The following SIRPB2 variants were observed in gnomAD, a reference collection of about 807,000 sequenced individuals.
SIRPB2 encodes the protein signal regulatory protein beta 2, also known as signal-regulatory protein beta-2.
Under a neutral mutation model 27.1 loss-of-function variants are expected in SIRPB2, and 18 were observed. The observed-to-expected ratio is 0.66, with a 90% CI of 0.46 to 0.98. The LOEUF is 0.98. Among genes scored for constraint, SIRPB2 ranks in the 50% least tolerant of loss-of-function variants. The pLI is 0.00. For missense variants in SIRPB2, 420 were observed against 417.4 expected, an observed-to-expected ratio of 1.01 and a Z score of -0.06; for synonymous variants, 150 against 164.6, an observed-to-expected ratio of 0.91 and a Z score of 0.68.
intron 1 of SIRPB2, among the ~76,000 whole-genome samples, chr20:1,486,926 C>A (rs1293522512): frequency 6.6e-6 from 1 of 152,072 alleles, no homozygotes; most frequent in Non-Finnish European, 1.5e-5. Context: ...AGGAACTAGA[C>A]AAAGATGCCT....
Position 1,476,102 on chromosome 20 carries a change from G to C in SIRPB2, c.*65C>G. ...CACCTAGAGGCTGGGACTGGAGGTA[G>C]GGAAATGGTTGAGGAGCCCTGGCTC... On this transcript the variant is annotated 3_prime_UTR_variant, in exon 5 of 5. Coordinates refer to ENST00000359801, the MANE Select transcript of SIRPB2 (RefSeq NM_001122962.2). 6.4e-7 allele frequency: 1 copy of C among 1,572,536 alleles called. No homozygotes were observed. The highest frequency in any genetic ancestry group is 1.4e-5 in the African/African-American group (1 of 72,662).
rs1221158166 is a variant in SIRPB2 at position 1,475,516 on chromosome 20, C to T, written c.*651G>A. 6.6e-6 allele frequency: 1 copy of T among 152,178 alleles called. No homozygotes were observed. Among genetic ancestry groups the T allele is most frequent in the Admixed American group, 6.5e-5 (1 of 15,278 alleles). The allele number at this position is 152,178 out of a possible 1,614,324, so 9.4% of individuals were successfully genotyped here. On this transcript the variant is annotated 3_prime_UTR_variant, in exon 5 of 5. Transcript: ENST00000359801. ...CTGCCCTCTTTTCCAGTCTGGCTGC[C>T]TAGAAGGTGGACCTGGTAGCAATGA...
rs530535241 is a variant in SIRPB2, at chr20:1,478,518, T to C, written c.541A>G (p.Thr181Ala). ...CCAGGGGGACCGTCTCCAAGCACTG[T>C]GCAGTTCAGAAAGACAGTGTCTCCA... ...TTGDTVFLNC[T>A]VLGDGPPGPI... The change falls in exon 3 of 5, where the codon ACA becomes GCA. Residue 181 changes from threonine to alanine, a missense_variant. Physicochemically the swap from Thr to Ala is moderately conservative, Grantham distance 58. Coordinates refer to ENST00000359801, the MANE Select transcript of SIRPB2 (RefSeq NM_001122962.2). The C allele has an allele frequency of 9.9e-6, 16 of 1,614,022 alleles. No individual in the cohort carries two copies. The South Asian group carries it at 1.6e-4, about 17-fold the overall frequency.
At chr20:1,486,463 T>G (rs2090727604) in intron 1 of SIRPB2, among the ~76,000 whole-genome samples, 1 of 152,034 alleles carries the variant, frequency 6.6e-6, no homozygotes, top group South Asian at 2.1e-4. Flanking sequence ...TTCTAATTAT[T>G]CTATGAGTCC....
intron 1 of SIRPB2, among the ~76,000 whole-genome samples, chr20:1,485,653 C>CACA (rs1555799540): frequency 3.6e-4 from 53 of 147,086 alleles, no homozygotes; most frequent in African/African-American, 1.3e-3. Context: ...CACACACACA[C>CACA]CACACACACA....
At chr20:1,485,519 A>AT (rs1353075628) in intron 1 of SIRPB2, among the ~76,000 whole-genome samples, 2 of 152,152 alleles carry the variant, frequency 1.3e-5, no homozygotes. Context: ...AAGGACTCAA[A>AT]TAAATTACCC....
At chr20:1,481,398 A>G (rs1600014883) in intron 1 of SIRPB2, among the ~76,000 whole-genome samples, 1 of 152,186 alleles carries the variant, frequency 6.6e-6, no homozygotes, top group East Asian at 1.9e-4. Flanking sequence ...CATTCAGTAG[A>G]TATCGTGTCC....
In SIRPB2 at chr20:1,478,288, C is replaced by T. The variant is rs762118213; in HGVS notation, c.771G>A (p.Gln257=). The change falls in exon 3 of 5, where the codon CAG becomes CAA. Residue 257 remains glutamine, a synonymous_variant. Coordinates refer to ENST00000359801, the MANE Select transcript of SIRPB2 (RefSeq NM_001122962.2). Reference sequence around the variant, plus strand: ...CACCTTTCACTTTCAGGCTGGTGCCCTGTCCAGACAGGTATTGCCTGTTGG... The same window carrying T: ...CACCTTTCACTTTCAGGCTGGTGCCTTGTCCAGACAGGTATTGCCTGTTGG... ...RKPNRQYLSG[Q]GTSLKVKAKS... is the part of the protein sequence containing the mutation. The T allele has an allele frequency of 2.2e-5, 35 of 1,613,054 alleles. No homozygotes were observed. The African/African-American group carries it at 4.5e-4, about 21-fold the overall frequency.
rs1452089754 is a variant in SIRPB2 at position 1,478,413 on chromosome 20, T to C, written c.646A>G (p.Thr216Ala). ...NFGGISHPKETAVQASNNDFS... is the reference protein window; with the variant it reads ...NFGGISHPKEAAVQASNNDFS... ...TCATTGTTGGAGGCCTGCACCGCTG[T>C]CTCCTTGGGGTGGGAGATGCCTCCA... The change falls in exon 3 of 5, where the codon ACA becomes GCA. Residue 216 changes from threonine to alanine, a missense_variant. By Grantham distance (58) the Thr-to-Ala change is moderately conservative. Coordinates refer to ENST00000359801, the MANE Select transcript of SIRPB2 (RefSeq NM_001122962.2). 1.9e-6 allele frequency: 3 copies of C among 1,614,042 alleles called. No individual in the cohort carries two copies. Among genetic ancestry groups the C allele is most frequent in the Non-Finnish European group, 2.5e-6 (3 of 1,180,028 alleles).
At chr20:1,476,402 G>C in intron 4 of SIRPB2, 66 bp from the exon 5 acceptor site, 1 of 1,481,696 alleles carries the variant, frequency 6.7e-7, no homozygotes, top group Non-Finnish European at 9.1e-7. Context: ...ACGCCTCATT[G>C]CTGCCCATGG....
chr20:1,477,967 C>T (rs2090623023), intron 3 of SIRPB2: 1 of 523,000 alleles, frequency 1.9e-6, no homozygotes, highest in Non-Finnish European at 3.7e-6. Flanking sequence ...AACTACGGTG[C>T]CTGGCCAATG....
chr20:1,491,203 C>G lies in SIRPB2; in HGVS notation c.85+72G>C. ...TGGGGTCAAGCTTCTTCAGGCATGG[C>G]AGAGCACTTAGTGCCCCTCTAGGGA... On this transcript the variant is annotated intron_variant, in intron 1 of 4. Coordinates refer to ENST00000359801, the MANE Select transcript of SIRPB2 (RefSeq NM_001122962.2). 5.1e-6 allele frequency: 7 copies of G among 1,368,928 alleles called. 1 individual carries two copies. The South Asian group carries it at 7.8e-5, about 15-fold the overall frequency. 84.8% of individuals were successfully genotyped at this position (1,368,928 alleles called of 1,614,324 possible).
intron 1 of SIRPB2, among the ~76,000 whole-genome samples, chr20:1,482,199 T>C (rs1200276330): frequency 6.6e-6 from 1 of 152,228 alleles, no homozygotes; most frequent in Non-Finnish European, 1.5e-5. Flanking sequence ...TTTTTTCTGG[T>C]ATCCATCACC....
intron 1 of SIRPB2, among the ~76,000 whole-genome samples, chr20:1,487,518 C>T (rs556068264): frequency 6.6e-6 from 1 of 152,314 alleles, no homozygotes; most frequent in Non-Finnish European, 1.5e-5. Context: ...ATACCACCTG[C>T]TTTCAAGACT....
At chr20:1,487,737 C>T (rs2090740161) in intron 1 of SIRPB2, among the ~76,000 whole-genome samples, 3 of 152,188 alleles carry the variant, frequency 2.0e-5, no homozygotes. Flanking sequence ...CCTCAAACTG[C>T]TAGTCTCAAG....
In SIRPB2 at chr20:1,476,168, C is replaced by A; in HGVS notation, c.1028G>T (p.Ter343LeuextTer10). The A allele has an allele frequency of 6.2e-7, 1 of 1,612,798 alleles. No homozygotes were observed. Among genetic ancestry groups the A allele is most frequent in the South Asian group, 1.1e-5 (1 of 90,934 alleles). Residue 343 changes from the stop codon to leucine (L), a stop_lost, in exon 5 of 5, where the codon TGA becomes TTA. Transcript: ENST00000359801. ...NTLAWSKGQE[*>L] ...GGTCCTCACTCTGGGGCTGACCCCT[C>A]ACTCTTGACCCTTGCTCCATGCTAA...
At chr20:1,489,881 G>C (rs989534398) in intron 1 of SIRPB2, among the ~76,000 whole-genome samples, 1 of 152,232 alleles carries the variant, frequency 6.6e-6, no homozygotes, top group Non-Finnish European at 1.5e-5. Context: ...CAGGTCCCTT[G>C]TTCAAAAACT....
chr20:1,475,996 G>T lies in SIRPB2; in HGVS notation c.*171C>A. 1 of 674,332 alleles carries T rather than the reference G, an allele frequency of 1.5e-6. No individual in the cohort carries two copies. The highest frequency in any genetic ancestry group is 2.1e-5 in the South Asian group (1 of 48,000). 41.8% of individuals were successfully genotyped at this position (674,332 alleles called of 1,614,324 possible). ...AGAAAGGGAGACATTTTAGAGGGAA[G>T]CCCGGTGCAAAGAAGGGAATTTCAC... On this transcript the variant is annotated 3_prime_UTR_variant, in exon 5 of 5. Transcript: ENST00000359801.
intron 3 of SIRPB2, 123 bp downstream of exon 3, chr20:1,478,143 A>G (rs1317902847): frequency 2.2e-6 from 2 of 899,352 alleles, no homozygotes; most frequent in East Asian, 2.6e-5. Context: ...CATTCCAGGT[A>G]GAGGGAAAAA....
Sources: gnomAD v4.1 joint callset for allele counts (sites outside exome capture counted in the v4.1 genomes callset) on GRCh38, gnomAD v4.1.1 for gene constraint, MANE v1.5 for transcripts, NCBI Gene and HGNC (gene_info 2026-07-23, HGNC 2026-07-21) for gene names.